The following VPS41 variants were observed in gnomAD, a reference collection of about 807,000 sequenced individuals.
VPS41 encodes the protein VPS41 subunit of HOPS complex, also known as vacuolar protein sorting-associated protein 41 homolog.
In VPS41, 85 loss-of-function variants were observed where a neutral mutation model predicts 130.9. That is an observed-to-expected ratio of 0.65 (90% CI 0.55 to 0.78). The LOEUF (loss-of-function observed/expected upper bound fraction) is 0.78. Among genes scored for constraint, VPS41 ranks in the 30% least tolerant of loss-of-function variants. The pLI, the probability that VPS41 is intolerant of heterozygous loss-of-function variation, is 0.00. For synonymous variants in VPS41, 335 were observed against 332.9 expected (o/e 1.01, Z -0.07); for missense variants, 874 against 1,018.7 (o/e 0.86, Z 1.93).
At chr7:38,753,931 A>T (rs1783734007) in intron 21 of VPS41, among the ~76,000 whole-genome samples, 1 of 152,192 alleles carries the variant, frequency 6.6e-6, no homozygotes, top group South Asian at 2.1e-4. Flanking sequence ...GTGCAATGAG[A>T]TGGGCAAAGA....
rs531643827 is a variant in VPS41 at position 38,756,859 on chromosome 7, T to G, written c.1674A>C (p.Leu558Phe). 2 of 1,580,128 alleles carry G rather than the reference T, an allele frequency of 1.3e-6. No homozygotes were observed. Among genetic ancestry groups the G allele is most frequent in the East Asian group, 2.3e-5 (1 of 44,434 alleles). The part of the protein sequence containing the change: ...LFSSIKDKIV[L>F]LMDFDSEKAV... The stretch of plus-strand genomic sequence containing the variant: ...TTACCTCTGAATCAAAATCCATTAA[T>G]AAAACAATTTTATCCTTGATAGAAC... The change falls in exon 19 of 29, where the codon TTA (leucine) becomes TTC (phenylalanine). Residue 558 changes from leucine to phenylalanine, a missense_variant. By Grantham distance (22) the Leu-to-Phe change is conservative (BLOSUM62 0). Transcript: ENST00000310301.
chr7:38,747,660 A>G (rs898802027), intron 22 of VPS41, among the ~76,000 whole-genome samples: 6 of 152,242 alleles, frequency 3.9e-5, no homozygotes, highest in African/African-American at 1.4e-4. Flanking sequence ...TATCCAAGAC[A>G]GCAGCCACTT....
intron 2 of VPS41, among the ~76,000 whole-genome samples, chr7:38,893,502 A>C (rs1415746355): frequency 6.6e-6 from 1 of 152,266 alleles, no homozygotes; most frequent in Non-Finnish European, 1.5e-5. Context: ...CCTTTTGAAG[A>C]TAATGTACTT....
chr7:38,851,799 C>T (rs1358333265), intron 4 of VPS41, among the ~76,000 whole-genome samples: 1 of 152,222 alleles, frequency 6.6e-6, no homozygotes, highest in African/African-American at 2.4e-5. Context: ...AGTTCCTCCA[C>T]ATCCTAACCA....
intron 4 of VPS41, among the ~76,000 whole-genome samples, chr7:38,849,276 A>C (rs1785797645): frequency 6.6e-6 from 1 of 151,974 alleles, no homozygotes; most frequent in South Asian, 2.1e-4. Context: ...CTAGGGGTGA[A>C]TGTTTAAGCT....
At chr7:38,744,640 G>A (rs1795950717) in intron 23 of VPS41, among the ~76,000 whole-genome samples, 1 of 152,136 alleles carries the variant, frequency 6.6e-6, no homozygotes, top group Non-Finnish European at 1.5e-5. Flanking sequence ...ACACTGTTTG[G>A]AATTAGTGAA....
At chr7:38,824,781 T>C (rs982730203) in intron 5 of VPS41, among the ~76,000 whole-genome samples, 1 of 152,176 alleles carries the variant, frequency 6.6e-6, no homozygotes, top group African/African-American at 2.4e-5. Flanking sequence ...TTCAAATGGA[T>C]AAACTTCCTT....
chr7:38,766,917 G>C (rs146566343), intron 15 of VPS41, among the ~76,000 whole-genome samples: 1 of 152,196 alleles, frequency 6.6e-6, no homozygotes, highest in African/African-American at 2.4e-5. Context: ...ATCCAGTATC[G>C]AGTATATCTT....
intron 4 of VPS41, among the ~76,000 whole-genome samples, chr7:38,858,078 C>T (rs1266310310): frequency 1.3e-5 from 2 of 152,046 alleles, no homozygotes; most frequent in African/African-American, 4.8e-5. Context: ...TAGGTGGCAC[C>T]CTTAGAGGTA....
chr7:38,754,594 T>C, intron 21 of VPS41, 108 bp downstream of exon 21: 5 of 870,404 alleles, frequency 5.7e-6, no homozygotes, highest in Non-Finnish European at 7.3e-6. Context: ...AACTGGAATA[T>C]TAACCTCCTT....
intron 7 of VPS41, among the ~76,000 whole-genome samples, chr7:38,811,032 T>A (rs1181565699): frequency 6.6e-6 from 1 of 152,104 alleles, no homozygotes; most frequent in Non-Finnish European, 1.5e-5. Context: ...GAGCAGCTCC[T>A]CCTAAAAATT....
At position 38,774,129 on chromosome 7, in the gene VPS41, C is replaced by A. The variant is rs1181042685; in HGVS notation, c.998G>T (p.Arg333Ile). The change falls in exon 12 of 29, where the codon AGA becomes ATA. Residue 333 changes from arginine (R) to isoleucine (I), a missense_variant. By Grantham distance (97) the Arg-to-Ile change is moderately conservative. Transcript: ENST00000310301. Reference sequence around the variant, plus strand: ...ATATCTCCTACCTAAATGATAATCTCTACATTCATTCTCCTGAAAGCCTCT... The same window carrying A: ...ATATCTCCTACCTAAATGATAATCTATACATTCATTCTCCTGAAAGCCTCT... ...TVRGFQENEC[R>I]DYHLEYSEGE... 1.2e-6 allele frequency: 2 copies of A among 1,606,302 alleles called. No homozygotes were observed. Among genetic ancestry groups the A allele is most frequent in the Non-Finnish European group, 1.7e-6 (2 of 1,174,724 alleles).
intron 10 of VPS41, among the ~76,000 whole-genome samples, chr7:38,777,371 T>TA (rs11462383): frequency 0.97 from 146,325 of 151,326 alleles, 70,765 homozygotes; most frequent in African/African-American, 0.99. Context: ...CTCTTTCCTT[T>TA]AAAAAAAAAT....
chr7:38,858,586 C>A (rs1322656733), intron 4 of VPS41, among the ~76,000 whole-genome samples: 2 of 152,126 alleles, frequency 1.3e-5, no homozygotes, highest in Non-Finnish European at 2.9e-5. Context: ...TAATGCTTTA[C>A]AAGCTATCTT....
chr7:38,734,663 T>C (rs1182509402), intron 25 of VPS41, among the ~76,000 whole-genome samples: 2 of 152,212 alleles, frequency 1.3e-5, no homozygotes, highest in Non-Finnish European at 2.9e-5. Flanking sequence ...AGCAAAGTTA[T>C]TATGGTTCAT....
intron 9 of VPS41, among the ~76,000 whole-genome samples, chr7:38,792,967 A>G (rs1282236927): frequency 6.6e-6 from 1 of 151,552 alleles, no homozygotes; most frequent in African/African-American, 2.4e-5. Context: ...AACACCTCCT[A>G]CCCCAGGCCC....
chr7:38,805,107 A>G (rs1336917887), intron 7 of VPS41, among the ~76,000 whole-genome samples: 1 of 152,226 alleles, frequency 6.6e-6, no homozygotes, highest in African/African-American at 2.4e-5. Context: ...TATAATCTCA[A>G]TCACTGATGA....
At chr7:38,843,600 C>A (rs1031357407) in intron 4 of VPS41, among the ~76,000 whole-genome samples, 1 of 151,470 alleles carries the variant, frequency 6.6e-6, no homozygotes, top group Admixed American at 6.6e-5. Context: ...GAGAATGGCA[C>A]GAACCCGGGA....
intron 17 of VPS41, among the ~76,000 whole-genome samples, chr7:38,762,359 T>G (rs1584381197): frequency 6.6e-6 from 1 of 152,220 alleles, no homozygotes; most frequent in South Asian, 2.1e-4. Flanking sequence ...TGAAATGAAA[T>G]GCCACAGAAA....
Sources: allele counts gnomAD v4.1 joint callset (sites outside exome capture counted in the v4.1 genomes callset), GRCh38; gene constraint gnomAD v4.1.1; transcripts MANE v1.5; gene names NCBI Gene and HGNC (gene_info 2026-07-23, HGNC 2026-07-21).